Variants in IQCJ observed in about 807,000 individuals in gnomAD.
IQCJ encodes the protein IQ domain-containing protein J.
IQCJ carries 9 observed loss-of-function variants against 11.0 expected under a neutral mutation model. That is an observed-to-expected ratio of 0.82 (90% CI 0.49 to 1.43). IQCJ has a LOEUF of 1.43. Among genes scored for constraint, IQCJ ranks in the 40% most tolerant of loss-of-function variants. The probability of loss-of-function intolerance (pLI) is 0.00; values close to 1 mark genes in which losing one functional copy is unlikely to be tolerated. For missense variants in IQCJ, 146 were observed against 133.2 expected (o/e 1.10, Z -0.47); for synonymous variants, 55 against 51.3 (o/e 1.07, Z -0.31).
intron 3 of IQCJ, among the ~76,000 whole-genome samples, chr3:159,257,491 T>C (rs561927629): frequency 3.3e-5 from 5 of 152,112 alleles, no homozygotes; most frequent in South Asian, 2.1e-4. Flanking sequence ...CAAGAGAGCA[T>C]AGGCCCTGGT....
At chr3:159,208,461 G>A (rs1327453220) in intron 1 of IQCJ, among the ~76,000 whole-genome samples, 1 of 152,220 alleles carries the variant, frequency 6.6e-6, no homozygotes, top group Non-Finnish European at 1.5e-5. Context: ...CCTCTGAGAT[G>A]AGATAAGGTG....
chr3:159,075,917 A>G (rs1437988940), intron 1 of IQCJ, among the ~76,000 whole-genome samples: 1 of 152,082 alleles, frequency 6.6e-6, no homozygotes, highest in East Asian at 1.9e-4. Flanking sequence ...TGAGCTGGGC[A>G]TGGAGGGTGT....
intron 1 of IQCJ, among the ~76,000 whole-genome samples, chr3:159,078,071 G>A (rs1159704923): frequency 1.3e-5 from 1 of 79,242 alleles, no homozygotes; most frequent in African/African-American, 3.1e-5. Flanking sequence ...AGACTCTTAA[G>A]TCCTGTGGCA....
chr3:159,197,695 G>C (rs568791436), intron 1 of IQCJ, among the ~76,000 whole-genome samples: 1 of 152,192 alleles, frequency 6.6e-6, no homozygotes, highest in South Asian at 2.1e-4. Flanking sequence ...CCAAGTAGGA[G>C]AGTATGGGGA....
In IQCJ at chr3:159,169,072, C is replaced by T. The variant is rs139574007; in HGVS notation, c.10-76771C>T. On this transcript the variant is annotated intron_variant, in intron 1 of 3. Coordinates refer to ENST00000397832, the MANE Select transcript of IQCJ (RefSeq NM_001042706.3). The stretch of plus-strand genomic sequence containing the variant: ...GCACCATTCTGATCTCTTTTTTATA[C>T]ATTATCTCATTTAATTGTCATTTTG... Among the ~76,000 whole-genome samples the T allele has an allele frequency of 6.1e-3, 926 of 152,160 alleles. 3 individuals carry two copies. Among genetic ancestry groups the T allele is most frequent in the Non-Finnish European group, 0.01 (687 of 67,992 alleles).
chr3:159,074,431 T>C (rs762930801), intron 1 of IQCJ, among the ~76,000 whole-genome samples: 11 of 152,120 alleles, frequency 7.2e-5, no homozygotes, highest in African/African-American at 1.7e-4. Context: ...GGGAGACTTA[T>C]GTATAAGAAC....
At position 159,262,573 on chromosome 3, in the gene IQCJ, C is replaced by T. The variant is rs571468794; in HGVS notation, c.181C>T (p.Leu61=). 1 of 1,613,768 alleles carries T rather than the reference C, an allele frequency of 6.2e-7. No individual in the cohort carries two copies. The highest frequency in any genetic ancestry group is 1.3e-5 in the African/African-American group (1 of 75,028). Reference sequence around the variant, plus strand: ...CATTCAGCGAGCATGGCGAGAGTACCTGCAGCGGCAGGAGCCCCTGGGGAA... The same window carrying T: ...CATTCAGCGAGCATGGCGAGAGTACTTGCAGCGGCAGGAGCCCCTGGGGAA... ...KIIQRAWREY[L]QRQEPLGKRS... is the part of the protein sequence containing the mutation. Residue 61 remains leucine (L), a synonymous_variant, in exon 4 of 4, where the codon CTG becomes TTG. Transcript: ENST00000397832.
intron 1 of IQCJ, among the ~76,000 whole-genome samples, chr3:159,167,126 C>T (rs1485661396): frequency 6.6e-6 from 1 of 152,198 alleles, no homozygotes; most frequent in Non-Finnish European, 1.5e-5. Flanking sequence ...CCCAACATTC[C>T]TGTTGCCCAG....
chr3:159,248,848 T>G (rs912168720), intron 2 of IQCJ, among the ~76,000 whole-genome samples: 3 of 150,580 alleles, frequency 2.0e-5, no homozygotes, highest in African/African-American at 7.3e-5. Context: ...GCCATGCTGG[T>G]TTTTCATTAT....
intron 1 of IQCJ, among the ~76,000 whole-genome samples, chr3:159,186,570 C>A (rs890093293): frequency 2.0e-5 from 3 of 152,156 alleles, no homozygotes; most frequent in Non-Finnish European, 2.9e-5. Flanking sequence ...AGGTCAATCA[C>A]CCCACATGCT....
At chr3:159,086,938 A>G (rs371550435) in intron 1 of IQCJ, among the ~76,000 whole-genome samples, 33 of 152,114 alleles carry the variant, frequency 2.2e-4, no homozygotes, top group Non-Finnish European at 4.6e-4. Flanking sequence ...GCCCTGGCCA[A>G]AACTTCCAAC....
intron 1 of IQCJ, among the ~76,000 whole-genome samples, chr3:159,157,220 G>A (rs1022681079): frequency 3.3e-5 from 5 of 152,164 alleles, no homozygotes; most frequent in African/African-American, 1.2e-4. Flanking sequence ...CTCAGGCTTT[G>A]GCATTCATCA....
At chr3:159,254,375 G>A (rs115293489) in intron 3 of IQCJ, among the ~76,000 whole-genome samples, 67 of 152,282 alleles carry the variant, frequency 4.4e-4, no homozygotes, top group Non-Finnish European at 8.5e-4. Context: ...AGCTCAGAGA[G>A]CCTGAGATTT....
intron 1 of IQCJ, among the ~76,000 whole-genome samples, chr3:159,185,844 A>G (rs1396518795): frequency 2.0e-5 from 3 of 152,316 alleles, no homozygotes; most frequent in African/African-American, 7.2e-5. Context: ...AAGAGAGAGA[A>G]CCAGGAGGAG....
intron 1 of IQCJ, among the ~76,000 whole-genome samples, chr3:159,209,318 T>G (rs1724821765): frequency 6.6e-6 from 1 of 152,106 alleles, no homozygotes; most frequent in African/African-American, 2.4e-5. Context: ...TGGCTGGGCT[T>G]CAGGGAAAGA....
At chr3:159,074,653 A>G (rs1009400401) in intron 1 of IQCJ, among the ~76,000 whole-genome samples, 1 of 152,156 alleles carries the variant, frequency 6.6e-6, no homozygotes, top group Non-Finnish European at 1.5e-5. Flanking sequence ...TCCTTTAAAC[A>G]AAAGATTAAG....
chr3:159,071,940 T>C (rs1277140278), intron 1 of IQCJ, among the ~76,000 whole-genome samples: 1 of 152,118 alleles, frequency 6.6e-6, no homozygotes, highest in African/African-American at 2.4e-5. Context: ...GGCTCACATA[T>C]AGAATGAAGA....
At position 159,165,384 on chromosome 3, in the gene IQCJ, C is replaced by G. The variant is rs563171622; in HGVS notation, c.10-80459C>G. ...CAAATGCTCAACTCAGGGACTGACT[C>G]CAAGAGTGGTAACTTCAGGTACTAT... On this transcript the variant is annotated intron_variant, in intron 1 of 3. Coordinates refer to ENST00000397832, the MANE Select transcript of IQCJ (RefSeq NM_001042706.3). 5.3e-5 allele frequency among the ~76,000 whole-genome samples: 8 copies of G among 152,258 alleles called. No individual in the cohort carries two copies. In the East Asian group the frequency reaches 1.5e-3, roughly 29 times the overall value.
At chr3:159,249,902 TACACAC>T (rs10567080) in intron 2 of IQCJ, among the ~76,000 whole-genome samples, 3 of 150,516 alleles carry the variant, frequency 2.0e-5, no homozygotes, top group African/African-American at 7.3e-5. Flanking sequence ...TGCATTTGTG[TACACAC>T]ACACACACAC....
Sources: gnomAD v4.1 joint callset for allele counts (sites outside exome capture counted in the v4.1 genomes callset) on GRCh38, gnomAD v4.1.1 for gene constraint, MANE v1.5 for transcripts, NCBI Gene and HGNC (gene_info 2026-07-23, HGNC 2026-07-21) for gene names.